ZNF471: variants seen among roughly 807,000 people sequenced by gnomAD.
The protein encoded by ZNF471 is zinc finger protein 471, also known as EZFIT-related protein 1.
Under a neutral mutation model 13.7 loss-of-function variants are expected in ZNF471, and 7 were observed. That is an observed-to-expected ratio of 0.51 (90% CI 0.29 to 0.96). ZNF471 has a LOEUF of 0.96. ZNF471 is among the 40% of genes least tolerant of loss of function. The pLI is 0.08. For synonymous variants in ZNF471, 218 were observed against 235.6 expected, an observed-to-expected ratio of 0.93 and a Z score of 0.68; for missense variants, 663 against 743.3, an observed-to-expected ratio of 0.89 and a Z score of 1.26.
At position 56,524,755 on chromosome 19, in the gene ZNF471, GGTGAAAAACCATATGCAT is replaced by G. The variant is rs776760962; in HGVS notation, c.693_710del (p.Lys232_Glu237del). The G allele has an allele frequency of 4.3e-6, 7 of 1,609,868 alleles. No homozygotes were observed. The highest frequency in any genetic ancestry group is 5.9e-6 in the Non-Finnish European group (7 of 1,178,782). On this transcript the variant is annotated inframe_deletion, in exon 5 of 5. Coordinates refer to ENST00000308031, the MANE Select transcript of ZNF471 (RefSeq NM_020813.4). The surrounding 1 kb of genome is among the most constrained non-coding windows in gnomAD (Gnocchi z 4.8). ...TACTGTTCATTTTAGAATTCATACT[GGTGAAAAACCATATGCAT>G]GTGAGGAATGTGGAAAAGCCTTCAA... is the stretch of plus-strand genomic sequence containing the variant.
intron 2 of ZNF471, among the ~76,000 whole-genome samples, chr19:56,514,202 T>C (rs1024951058): frequency 1.8e-4 from 27 of 151,744 alleles, no homozygotes; most frequent in African/African-American, 6.3e-4. Context: ...GCTGGGATTA[T>C]AGGCATGCAC....
Position 56,507,969 on chromosome 19 carries a change from A to AGCT in ZNF471, c.-56+50_-56+51insCTG, listed in dbSNP as rs1291479770. ...TCCGAGCTCGAGGGCTGGGCCAGGA[A>AGCT]GGGCAGGCGAGGCGGGCGGCTCCGA... On this transcript the variant is annotated intron_variant, in intron 1 of 4. Coordinates refer to ENST00000308031, the MANE Select transcript of ZNF471 (RefSeq NM_020813.4). 7 of 985,896 alleles carry AGCT rather than the reference A, an allele frequency of 7.1e-6. No homozygotes were observed. The Admixed American group carries it at 1.8e-4, about 26-fold the overall frequency. 61.1% of individuals were successfully genotyped at this position (985,896 alleles called of 1,614,324 possible).
Position 56,524,968 on chromosome 19 carries a change from C to G in ZNF471, c.901C>G (p.Gln301Glu), listed in dbSNP as rs776097172. Residue 301 changes from glutamine to glutamate, a missense_variant, in exon 5 of 5, where the codon CAG becomes GAG. Transcript: ENST00000308031. The surrounding 1 kb of genome is among the most constrained non-coding windows in gnomAD (Gnocchi z 4.8). ...KCKECRKAFRQPAHLAQHQRI... is the reference protein window; with the variant it reads ...KCKECRKAFREPAHLAQHQRI... ...TAAGGAATGCAGAAAAGCCTTCAGA[C>G]AGCCTGCACACCTTGCTCAGCATCA... 1.9e-6 allele frequency: 3 copies of G among 1,614,020 alleles called. No homozygotes were observed. Among genetic ancestry groups the G allele is most frequent in the Non-Finnish European group, 2.5e-6 (3 of 1,180,040 alleles).
rs45487092 is a variant in ZNF471 at position 56,524,993 on chromosome 19, A to G, written c.926A>G (p.Gln309Arg). ...FRQPAHLAQH[Q>R]RIHTGEKPYE... Reference sequence around the variant, plus strand: ...CAGCCTGCACACCTTGCTCAGCATCAGAGAATTCATACTGGAGAGAAACCC... The same window carrying G: ...CAGCCTGCACACCTTGCTCAGCATCGGAGAATTCATACTGGAGAGAAACCC... The change falls in exon 5 of 5, where the codon CAG becomes CGG. Residue 309 changes from glutamine to arginine, a missense_variant. Transcript: ENST00000308031. This position sits in a 1 kb window ranked among gnomAD's most constrained non-coding sequence, Gnocchi z 4.8. 7,690 of 1,614,162 alleles carry G rather than the reference A, an allele frequency of 4.8e-3. 37 individuals carry two copies. Among genetic ancestry groups the G allele is most frequent in the Non-Finnish European group, 6.2e-3 (7,267 of 1,180,036 alleles).
intron 3 of ZNF471, among the ~76,000 whole-genome samples, chr19:56,517,785 C>CT (rs2043913757): frequency 6.6e-6 from 1 of 152,218 alleles, no homozygotes; most frequent in East Asian, 1.9e-4. Flanking sequence ...TTCCCTGACT[C>CT]TATCCTTACC....
At position 56,515,171 on chromosome 19, in the gene ZNF471, T is replaced by C. The variant is rs191070650; in HGVS notation, c.34-1104T>C. Among the ~76,000 whole-genome samples the C allele has an allele frequency of 5.9e-4, 90 of 152,312 alleles. 1 individual carries two copies. The highest frequency in any genetic ancestry group is 9.4e-4 in the Non-Finnish European group (64 of 68,016). On this transcript the variant is annotated intron_variant, in intron 2 of 4. Coordinates refer to ENST00000308031, the MANE Select transcript of ZNF471 (RefSeq NM_020813.4). ...TCTGGTAGTATATATACTAGATTAC[T>C]AACCATAAGTACCAGGATCAAAAGC...
In ZNF471 at chr19:56,528,027, C is replaced by T. The variant is rs1001350774; in HGVS notation, c.*2079C>T. The T allele has an allele frequency of 9.2e-5, 14 of 151,966 alleles. No homozygotes were observed. Among genetic ancestry groups the T allele is most frequent in the African/African-American group, 3.4e-4 (14 of 41,328 alleles). 9.4% of individuals were successfully genotyped at this position (151,966 alleles called of 1,614,324 possible). Reference sequence around the variant, plus strand: ...ATTGTCTTGTGCCACACATACAATACACTAACATTAACAATAGCTGATGAG... The same window carrying T: ...ATTGTCTTGTGCCACACATACAATATACTAACATTAACAATAGCTGATGAG... On this transcript the variant is annotated 3_prime_UTR_variant, in exon 5 of 5. Coordinates refer to ENST00000308031, the MANE Select transcript of ZNF471 (RefSeq NM_020813.4).
rs761834403 is a variant in ZNF471, at chr19:56,524,630, C to T, written c.563C>T (p.Ser188Phe). ...YNHTSDKKSF[S>F]KNSMVIKHKK... ...CACACATCAGATAAAAAAAGCTTCT[C>T]CAAAAATTCTATGGTAATAAAACAC... The change falls in exon 5 of 5, where the codon TCC (serine) becomes TTC (phenylalanine). Residue 188 changes from serine (S) to phenylalanine (F), a missense_variant. Transcript: ENST00000308031. This position sits in a 1 kb window ranked among gnomAD's most constrained non-coding sequence, Gnocchi z 4.8. 1.9e-6 allele frequency: 3 copies of T among 1,586,512 alleles called. No homozygotes were observed. Among genetic ancestry groups the T allele is most frequent in the South Asian group, 1.2e-5 (1 of 85,030 alleles).
In ZNF471 at chr19:56,529,832, CA is replaced by C. The variant is rs1481196181; in HGVS notation, c.*3887del. 6.6e-6 allele frequency: 1 copy of C among 152,070 alleles called. No homozygotes were observed. Among genetic ancestry groups the C allele is most frequent in the Non-Finnish European group, 1.5e-5 (1 of 68,018 alleles). 9.4% of individuals were successfully genotyped at this position (152,070 alleles called of 1,614,324 possible). A position where few individuals can be genotyped will look rare whatever the true frequency, so the allele number is the denominator to read the frequency against. On this transcript the variant is annotated 3_prime_UTR_variant, in exon 5 of 5. Transcript: ENST00000308031. ...TCGCAGGTGTGAGAAACCGTATTTT[CA>C]AATATTGAGAGGGTAAATTAGAGGA...
chr19:56,525,167 GTTATCATACTGGAGAGAAGCCTTT>G lies in ZNF471; in HGVS notation c.1102_1125del (p.Tyr368_Phe375del). ...ACATCTTTTATTCGTCACTGGAGGA[GTTATCATACTGGAGAGAAGCCTTT>G]TAATTGCATTGATTGTGGGAAAGCC... is the stretch of plus-strand genomic sequence containing the variant. On this transcript the variant is annotated inframe_deletion, in exon 5 of 5. Transcript: ENST00000308031. 1 of 1,614,188 alleles carries G rather than the reference GTTATCATACTGGAGAGAAGCCTTT, an allele frequency of 6.2e-7. No individual in the cohort carries two copies.
chr19:56,525,208 G>A lies in ZNF471; in HGVS notation c.1141G>A (p.Gly381Arg). ...GEKPFNCIDCGKAFSVHIGLI... is the reference protein window; with the variant it reads ...GEKPFNCIDCRKAFSVHIGLI... The stretch of plus-strand genomic sequence containing the variant: ...GAAGCCTTTTAATTGCATTGATTGT[G>A]GGAAAGCCTTCAGTGTTCACATAGG... The change falls in exon 5 of 5, where the codon GGG (glycine) becomes AGG (arginine). Residue 381 changes from glycine to arginine, a missense_variant. By Grantham distance (125) the Gly-to-Arg change is moderately radical. Transcript: ENST00000308031. 1 of 1,614,000 alleles carries A rather than the reference G, an allele frequency of 6.2e-7. No homozygotes were observed. The highest frequency in any genetic ancestry group is 8.5e-7 in the Non-Finnish European group (1 of 1,179,988).
chr19:56,525,952 TGTA>T lies in ZNF471; in HGVS notation c.*7_*9del. The T allele has an allele frequency of 6.5e-7, 1 of 1,542,772 alleles. No individual in the cohort carries two copies. The highest frequency in any genetic ancestry group is 2.3e-5 in the East Asian group (1 of 44,356). On this transcript the variant is annotated 3_prime_UTR_variant, in exon 5 of 5. Transcript: ENST00000308031. ...TCATACTGGAGAAGAACCTTAAGAATGTAGTGCATGTGGCCAAGCCTTTAGTTA... is the reference window on the plus strand; with the variant it reads ...TCATACTGGAGAAGAACCTTAAGAATGTGCATGTGGCCAAGCCTTTAGTTA...
intron 1 of ZNF471, chr19:56,509,854 G>C (rs944416325): frequency 1.0e-6 from 1 of 985,048 alleles, no homozygotes; most frequent in Non-Finnish European, 1.2e-6. Flanking sequence ...GTGTTATCAG[G>C]GACTGGATTG....
In ZNF471 at chr19:56,508,018, C is replaced by T. The variant is rs920389386; in HGVS notation, c.-56+98C>T. The T allele has an allele frequency of 1.0e-6, 1 of 985,836 alleles. No homozygotes were observed. Among genetic ancestry groups the T allele is most frequent in the South Asian group, 4.7e-5 (1 of 21,342 alleles). The allele number at this position is 985,836 out of a possible 1,614,324, so 61.1% of individuals were successfully genotyped here. On this transcript the variant is annotated intron_variant, in intron 1 of 4. Coordinates refer to ENST00000308031, the MANE Select transcript of ZNF471 (RefSeq NM_020813.4). This position sits in a 1 kb window ranked among gnomAD's most constrained non-coding sequence, Gnocchi z 4.7. ...GACGCGGGTCGCGAAGGCCCAGCCG[C>T]GTCCTCTGTCCCCAGGACGACTACA...
Position 56,508,687 on chromosome 19 carries a change from G to T in ZNF471, c.-56+767G>T, listed in dbSNP as rs570689459. On this transcript the variant is annotated intron_variant, in intron 1 of 4. Transcript: ENST00000308031. The surrounding 1 kb of genome is among the most constrained non-coding windows in gnomAD (Gnocchi z 4.7). The stretch of plus-strand genomic sequence containing the variant: ...ATGTGTGAAAGGGAGACCAGTGAGT[G>T]TGAGAAATGGGTGTTTTGGGTGAAA... 6.6e-6 allele frequency among the ~76,000 whole-genome samples: 1 copy of T among 152,232 alleles called. No individual in the cohort carries two copies. Among genetic ancestry groups the T allele is most frequent in the East Asian group, 1.9e-4 (1 of 5,162 alleles).
intron 4 of ZNF471, among the ~76,000 whole-genome samples, chr19:56,523,751 G>A (rs896623056): frequency 1.3e-5 from 2 of 152,166 alleles, no homozygotes; most frequent in Non-Finnish European, 2.9e-5. Context: ...GGTCAATACA[G>A]GCATGAAATA....
At chr19:56,511,470 T>G in intron 1 of ZNF471, 47 bp from the exon 2 acceptor site, 1 of 1,403,318 alleles carries the variant, frequency 7.1e-7, no homozygotes, top group Non-Finnish European at 9.9e-7. Flanking sequence ...ATTCTGGGAG[T>G]GCAGCATCTC....
rs2043771737 is a variant in ZNF471, at chr19:56,508,877, G to C, written c.-56+957G>C. 6.6e-6 allele frequency among the ~76,000 whole-genome samples: 1 copy of C among 152,142 alleles called. No homozygotes were observed. The highest frequency in any genetic ancestry group is 6.5e-5 in the Admixed American group (1 of 15,276). ...GTGTGAAAGACCAGTCATTATGTGAGGCTCCTTGAGAGGCTGGTGTGTGTG... is the reference window on the plus strand; with the variant it reads ...GTGTGAAAGACCAGTCATTATGTGACGCTCCTTGAGAGGCTGGTGTGTGTG... On this transcript the variant is annotated intron_variant, in intron 1 of 4. Coordinates refer to ENST00000308031, the MANE Select transcript of ZNF471 (RefSeq NM_020813.4). The surrounding 1 kb of genome is among the most constrained non-coding windows in gnomAD (Gnocchi z 4.7).
chr19:56,508,123 C>A lies in ZNF471; in HGVS notation c.-56+203C>A. Reference sequence around the variant, plus strand: ...GCTCGGGGCTGCTGGGCGTTCGGGGCGGCTTGGGGCGGCGGGACCACTGGA... The same window carrying A: ...GCTCGGGGCTGCTGGGCGTTCGGGGAGGCTTGGGGCGGCGGGACCACTGGA... On this transcript the variant is annotated intron_variant, in intron 1 of 4. Transcript: ENST00000308031. The surrounding 1 kb of genome is among the most constrained non-coding windows in gnomAD (Gnocchi z 4.7). 6 of 985,158 alleles carry A rather than the reference C, an allele frequency of 6.1e-6. No individual in the cohort carries two copies. Among genetic ancestry groups the A allele is most frequent in the Non-Finnish European group, 7.2e-6 (6 of 829,776 alleles). The allele number at this position is 985,158 out of a possible 1,614,324, so 61.0% of individuals were successfully genotyped here.
Sources: gnomAD v4.1 joint callset for allele counts (sites outside exome capture counted in the v4.1 genomes callset) on GRCh38, gnomAD v4.1.1 for gene constraint, Gnocchi (gnomAD v3.1) non-coding constraint, MANE v1.5 for transcripts, NCBI Gene and HGNC (gene_info 2026-07-23, HGNC 2026-07-21) for gene names.